Variants in CCBE1 observed in about 807,000 individuals in gnomAD.
CCBE1 encodes the protein collagen and calcium binding EGF domains 1.
In CCBE1, 37 loss-of-function variants were observed where a neutral mutation model predicts 50.0. That is an observed-to-expected ratio of 0.74 (90% CI 0.57 to 0.97). The LOEUF (loss-of-function observed/expected upper bound fraction) is 0.97, where lower values mean the gene tolerates loss of function less well. Among genes scored for constraint, CCBE1 ranks in the 50% least tolerant of loss-of-function variants. CCBE1 has a pLI of 0.00. For synonymous variants in CCBE1, 234 were observed against 203.7 expected, an observed-to-expected ratio of 1.15 and a Z score of -1.27; for missense variants, 538 against 523.8, an observed-to-expected ratio of 1.03 and a Z score of -0.26.
At chr18:59,505,076 T>G (rs1913807371) in intron 2 of CCBE1, among the ~76,000 whole-genome samples, 1 of 152,196 alleles carries the variant, frequency 6.6e-6, no homozygotes, top group African/African-American at 2.4e-5. Flanking sequence ...TTAGACTACT[T>G]GGATTTCATG....
intron 2 of CCBE1, among the ~76,000 whole-genome samples, chr18:59,541,813 C>T (rs1429356624): frequency 1.3e-5 from 2 of 152,082 alleles, no homozygotes; most frequent in Non-Finnish European, 2.9e-5. Flanking sequence ...CTTCTTCCAG[C>T]TGCTATCACC....
At chr18:59,598,503 G>A (rs2053387014) in intron 2 of CCBE1, among the ~76,000 whole-genome samples, 1 of 152,228 alleles carries the variant, frequency 6.6e-6, no homozygotes, top group Admixed American at 6.5e-5. Flanking sequence ...AGGAATCTGG[G>A]AATGCTGTTT....
intron 2 of CCBE1, chr18:59,685,994 G>A (rs1301088038): frequency 6.6e-6 from 1 of 152,202 alleles, no homozygotes. Flanking sequence ...CCATCCTGGA[G>A]AGAGGCTCTG....
chr18:59,527,030 G>A (rs1914851591), intron 2 of CCBE1, among the ~76,000 whole-genome samples: 1 of 152,174 alleles, frequency 6.6e-6, no homozygotes, highest in Non-Finnish European at 1.5e-5. Flanking sequence ...AGGCTCACTT[G>A]ATCCAGAGCT....
intron 2 of CCBE1, among the ~76,000 whole-genome samples, chr18:59,630,501 G>T (rs368951037): frequency 6.6e-6 from 1 of 152,202 alleles, no homozygotes; most frequent in East Asian, 1.9e-4. Flanking sequence ...CAGCTGGGAG[G>T]ATCTTCTGTT....
chr18:59,642,581 C>A (rs1336645801), intron 2 of CCBE1, among the ~76,000 whole-genome samples: 3 of 152,160 alleles, frequency 2.0e-5, no homozygotes, highest in Admixed American at 2.0e-4. Context: ...AAATGTCTAT[C>A]AACATAGACA....
chr18:59,694,667 T>A (rs1435666054), intron 2 of CCBE1, among the ~76,000 whole-genome samples: 1 of 152,166 alleles, frequency 6.6e-6, no homozygotes, highest in African/African-American at 2.4e-5. Flanking sequence ...AGTGAGGGTA[T>A]AAAGGGCTAG....
chr18:59,543,803 C>G (rs940316085), intron 2 of CCBE1, among the ~76,000 whole-genome samples: 4 of 134,156 alleles, frequency 3.0e-5, no homozygotes, highest in Admixed American at 1.7e-4. Context: ...CCACTGCACT[C>G]CAGGCTGGGA....
intron 2 of CCBE1, among the ~76,000 whole-genome samples, chr18:59,642,986 A>AAT (rs944604200): frequency 2.0e-5 from 3 of 151,800 alleles, no homozygotes; most frequent in Non-Finnish European, 4.4e-5. Flanking sequence ...ATGAAGGATA[A>AAT]ATGTATGTCA....
chr18:59,504,988 C>A (rs554352624), intron 2 of CCBE1, among the ~76,000 whole-genome samples: 1 of 152,330 alleles, frequency 6.6e-6, no homozygotes, highest in African/African-American at 2.4e-5. Context: ...CCCCTGCCAT[C>A]ACACAAATGC....
chr18:59,621,779 A>C (rs940237842), intron 2 of CCBE1, among the ~76,000 whole-genome samples: 2 of 152,178 alleles, frequency 1.3e-5, no homozygotes, highest in African/African-American at 4.8e-5. Flanking sequence ...TATTTTCTTT[A>C]GTCTTTTCTT....
chr18:59,627,192 T>C (rs578222387), intron 2 of CCBE1, among the ~76,000 whole-genome samples: 1 of 152,358 alleles, frequency 6.6e-6, no homozygotes, highest in East Asian at 1.9e-4. Context: ...TCCTGCTTAG[T>C]TTCCTAGTGA....
At chr18:59,563,116 G>A (rs1355864993) in intron 2 of CCBE1, among the ~76,000 whole-genome samples, 1 of 152,212 alleles carries the variant, frequency 6.6e-6, no homozygotes, top group Non-Finnish European at 1.5e-5. Flanking sequence ...CCACCAGGTG[G>A]GTGAGCTGCC....
Position 59,679,556 on chromosome 18 carries a change from T to C in CCBE1, c.212+17073A>G, listed in dbSNP as rs559474278. 1.4e-4 allele frequency among the ~76,000 whole-genome samples: 21 copies of C among 152,330 alleles called. No homozygotes were observed. The South Asian group carries it at 4.3e-3, about 32-fold the overall frequency. On this transcript the variant is annotated intron_variant, in intron 2 of 10. Transcript: ENST00000439986. ...TTTCGTATGAGCATATGACTCTCCA[T>C]TGGCATATCTGAAAACTGTTCATAA... is the stretch of plus-strand genomic sequence containing the variant.
intron 4 of CCBE1, 75 bp downstream of exon 4, chr18:59,469,398 G>C: frequency 6.3e-7 from 1 of 1,584,878 alleles, no homozygotes; most frequent in South Asian, 1.1e-5. Flanking sequence ...GAGAACTGAA[G>C]GGTCCAACCA....
At chr18:59,457,333 CTGAT>C (rs766636021) in intron 5 of CCBE1, among the ~76,000 whole-genome samples, 1 of 152,144 alleles carries the variant, frequency 6.6e-6, no homozygotes, top group Non-Finnish European at 1.5e-5. Flanking sequence ...GTAGAGTGAA[CTGAT>C]TACCAGCACA....
In CCBE1 at chr18:59,632,126, C is replaced by T. The variant is rs534242327; in HGVS notation, c.212+64503G>A. ...TAGGCAGAAAGGGCTGTAGGGATCT[C>T]CACAGTCTCAGTGTTGGAGTCCTCC... On this transcript the variant is annotated intron_variant, in intron 2 of 10. Coordinates refer to ENST00000439986, the MANE Select transcript of CCBE1 (RefSeq NM_133459.4). 2.0e-5 allele frequency among the ~76,000 whole-genome samples: 3 copies of T among 152,250 alleles called. No individual in the cohort carries two copies. The South Asian group carries it at 6.2e-4, about 32-fold the overall frequency.
rs375864929 is a variant in CCBE1, at chr18:59,613,217, A to G, written c.212+83412T>C. Among the ~76,000 whole-genome samples the G allele has an allele frequency of 8.1e-4, 124 of 152,210 alleles. 1 individual carries two copies. The highest frequency in any genetic ancestry group is 2.9e-3 in the African/African-American group (122 of 41,516). On this transcript the variant is annotated intron_variant, in intron 2 of 10. Transcript: ENST00000439986. ...GGGGGTGGTAGAGGATAACTACGCA[A>G]CTACATAGTAGCAGGCAGAACACAG...
At chr18:59,441,962 A>G (rs1207766280) in intron 7 of CCBE1, among the ~76,000 whole-genome samples, 1 of 152,196 alleles carries the variant, frequency 6.6e-6, no homozygotes, top group Non-Finnish European at 1.5e-5. Context: ...TCCTCAGCAT[A>G]GTATCCTTGT....
Sources: allele counts gnomAD v4.1 joint callset (sites outside exome capture counted in the v4.1 genomes callset), GRCh38; gene constraint gnomAD v4.1.1; transcripts MANE v1.5; gene names NCBI Gene and HGNC (gene_info 2026-07-23, HGNC 2026-07-21).